Variants in NYAP2 observed in about 807,000 individuals in gnomAD.
The protein encoded by NYAP2 is neuronal tyrosine-phosphorylated phosphoinositide-3-kinase adaptor 2.
A neutral mutation model predicts 50.4 loss-of-function variants in NYAP2; 23 were observed. That is an observed-to-expected ratio of 0.46 (90% CI 0.33 to 0.65). The LOEUF (loss-of-function observed/expected upper bound fraction) is 0.65. Among genes scored for constraint, NYAP2 ranks in the 30% least tolerant of loss-of-function variants. The pLI is 0.02. For synonymous variants in NYAP2, 394 were observed against 365.2 expected, an observed-to-expected ratio of 1.08 and a Z score of -0.90; for missense variants, 885 against 861.0, an observed-to-expected ratio of 1.03 and a Z score of -0.35.
At chr2:225,579,700 T>C (rs896668165) in intron 4 of NYAP2, among the ~76,000 whole-genome samples, 3 of 152,182 alleles carry the variant, frequency 2.0e-5, no homozygotes, top group African/African-American at 7.2e-5. Context: ...TGCCCAGATC[T>C]GCCACTGAAA....
intron 4 of NYAP2, among the ~76,000 whole-genome samples, chr2:225,550,388 A>G (rs191210257): frequency 6.6e-6 from 1 of 152,314 alleles, no homozygotes; most frequent in African/African-American, 2.4e-5. Flanking sequence ...TGAGAGCTTA[A>G]TTAGGTTGAG....
At chr2:225,433,446 G>GA (rs1201180839) in intron 3 of NYAP2, among the ~76,000 whole-genome samples, 6 of 151,426 alleles carry the variant, frequency 4.0e-5, no homozygotes, top group Non-Finnish European at 8.8e-5. Context: ...TATATTTGCC[G>GA]AAAAAATTTA....
At chr2:225,702,396 G>T in the NYAP2 span, 1 of 151,642 alleles carries the variant, frequency 6.6e-6, no homozygotes, top group South Asian at 2.1e-4. Context: ...CATTGAAAAA[G>T]ATGTTGTCCC....
At chr2:225,531,483 A>G (rs1411127768) in intron 4 of NYAP2, among the ~76,000 whole-genome samples, 4 of 152,202 alleles carry the variant, frequency 2.6e-5, no homozygotes, top group Non-Finnish European at 4.4e-5. Context: ...TTGTATCCCA[A>G]TGAGACTATA....
intron 6 of NYAP2, among the ~76,000 whole-genome samples, chr2:225,641,250 T>C (rs1693524846): frequency 6.6e-6 from 1 of 152,136 alleles, no homozygotes; most frequent in Admixed American, 6.6e-5. Context: ...AAGAATGCCC[T>C]TTCTGTTTCT....
rs1022481831 is a variant in NYAP2, at chr2:225,578,551, T to C, written c.524-3390T>C. ...ACAAATTAGAAACTGGAGAGTCAGA[T>C]CAAGAAGAGTAAGCAGGACAAGCCA... On this transcript the variant is annotated intron_variant, in intron 4 of 6. Transcript: ENST00000636099. Among the ~76,000 whole-genome samples, 3 of 152,084 alleles carry C rather than the reference T, an allele frequency of 2.0e-5. No individual in the cohort carries two copies. In the East Asian group the frequency reaches 5.8e-4, roughly 29 times the overall value.
the NYAP2 span, chr2:225,702,192 CAAACTTAAGTGGAAAT>C: frequency 6.6e-6 from 1 of 151,596 alleles, no homozygotes; most frequent in Non-Finnish European, 1.5e-5. Flanking sequence ...CATTGTGTCC[CAAACTTAAGTGGAAAT>C]AAAAGAAAAA....
chr2:225,686,976 C>T, the NYAP2 span, among the ~76,000 whole-genome samples: 286 of 152,218 alleles, frequency 1.9e-3, no homozygotes, highest in African/African-American at 6.6e-3. Context: ...GTGCACTTCC[C>T]ATGTCATGGG....
intron 3 of NYAP2, among the ~76,000 whole-genome samples, chr2:225,454,151 C>T (rs1366218045): frequency 6.6e-6 from 1 of 151,910 alleles, no homozygotes; most frequent in African/African-American, 2.4e-5. Context: ...TAGCGAGACC[C>T]TATCTGCACA....
At chr2:225,432,580 TA>T (rs1293103266) in intron 3 of NYAP2, among the ~76,000 whole-genome samples, 1 of 152,068 alleles carries the variant, frequency 6.6e-6, no homozygotes, top group African/African-American at 2.4e-5. Flanking sequence ...ATATCTCCCC[TA>T]CCAGAACATC....
At chr2:225,665,297 T>C in the NYAP2 span, among the ~76,000 whole-genome samples, 1 of 152,052 alleles carries the variant, frequency 6.6e-6, no homozygotes, top group Non-Finnish European at 1.5e-5. Flanking sequence ...TACATGCCCA[T>C]AGAATCTTTA....
intron 3 of NYAP2, among the ~76,000 whole-genome samples, chr2:225,476,340 G>C (rs751662270): frequency 1.3e-5 from 2 of 151,686 alleles, no homozygotes; most frequent in African/African-American, 4.8e-5. Flanking sequence ...GTGAACCCGG[G>C]AGGCGGAGCT....
intron 4 of NYAP2, among the ~76,000 whole-genome samples, chr2:225,570,898 C>G (rs907800589): frequency 6.6e-6 from 1 of 152,152 alleles, no homozygotes; most frequent in East Asian, 1.9e-4. Context: ...CCTGTAAAAT[C>G]AAAGCAAGTT....
chr2:225,538,752 A>ATTTTCTTTTCTTTTC lies in NYAP2; in HGVS notation c.523+25099_523+25113dup, dbSNP rs143281315. Among the ~76,000 whole-genome samples the ATTTTCTTTTCTTTTC allele has an allele frequency of 5.5e-3, 683 of 124,046 alleles. 47 individuals carry two copies. Among genetic ancestry groups the ATTTTCTTTTCTTTTC allele is most frequent in the South Asian group, 0.012 (41 of 3,446 alleles). The allele number at this position is 124,046 out of a possible 152,430, so 81.4% of individuals were successfully genotyped here. The stretch of plus-strand genomic sequence containing the variant: ...CTTGAATTTCTCCTCAGAAAATGAG[A>ATTTTCTTTTCTTTTC]TTTTCTTTTCTTTTCTTTTCTTTTC... On this transcript the variant is annotated intron_variant, in intron 4 of 6. Coordinates refer to ENST00000636099, the Ensembl canonical transcript of NYAP2.
chr2:225,637,699 GA>G (rs1488220214), intron 6 of NYAP2, among the ~76,000 whole-genome samples: 1 of 152,158 alleles, frequency 6.6e-6, no homozygotes, highest in Non-Finnish European at 1.5e-5. Flanking sequence ...TTTCTCTGTG[GA>G]AAACTGTGAC....
chr2:225,573,175 T>C (rs1259297477), intron 4 of NYAP2, among the ~76,000 whole-genome samples: 1 of 152,006 alleles, frequency 6.6e-6, no homozygotes, highest in Non-Finnish European at 1.5e-5. Context: ...TTGGATTTTT[T>C]TTTCAGTTAT....
intron 4 of NYAP2, among the ~76,000 whole-genome samples, chr2:225,543,974 C>A (rs1422194155): frequency 6.6e-6 from 1 of 151,972 alleles, no homozygotes; most frequent in Admixed American, 6.6e-5. Context: ...ATTGTTATAT[C>A]CTCTTGCTAA....
chr2:225,596,831 A>T, intron 5 of NYAP2, among the ~76,000 whole-genome samples: 1 of 152,194 alleles, frequency 6.6e-6, no homozygotes, highest in African/African-American at 2.4e-5. Context: ...AAAGCAAGTA[A>T]CAAGCAGCAA....
At chr2:225,420,022 T>C (rs1334116318) in intron 3 of NYAP2, among the ~76,000 whole-genome samples, 1 of 152,236 alleles carries the variant, frequency 6.6e-6, no homozygotes, top group Non-Finnish European at 1.5e-5. Context: ...TTCAAAAGGA[T>C]GCAATAATTG....
Sources: allele counts gnomAD v4.1 joint callset (sites outside exome capture counted in the v4.1 genomes callset), GRCh38; gene constraint gnomAD v4.1.1; transcripts MANE v1.5; gene names NCBI Gene and HGNC (gene_info 2026-07-23, HGNC 2026-07-21).